Variants in XKR4 observed in about 807,000 individuals in gnomAD.
XKR4 encodes XK related 4.
A neutral mutation model predicts 53.9 loss-of-function variants in XKR4; 12 were observed. The observed-to-expected ratio is 0.22, with a 90% CI of 0.14 to 0.36. The LOEUF is 0.36. Among genes scored for constraint, XKR4 ranks in the 10% least tolerant of loss-of-function variants. The pLI is 1.00. For synonymous variants in XKR4, 354 were observed against 362.4 expected, an observed-to-expected ratio of 0.98 and a Z score of 0.26; for missense variants, 799 against 859.5, an observed-to-expected ratio of 0.93 and a Z score of 0.88.
intron 1 of XKR4, among the ~76,000 whole-genome samples, chr8:55,351,372 C>G (rs1803720445): frequency 6.6e-6 from 1 of 152,082 alleles, no homozygotes; most frequent in African/African-American, 2.4e-5. Context: ...AACCTGTCAC[C>G]AGGATCAGAT....
intron 2 of XKR4, among the ~76,000 whole-genome samples, chr8:55,443,410 C>T (rs1170109883): frequency 6.7e-6 from 1 of 148,646 alleles, no homozygotes; most frequent in Non-Finnish European, 1.5e-5. Context: ...TTTTTTAATT[C>T]CACAGCAAAG....
intron 2 of XKR4, among the ~76,000 whole-genome samples, chr8:55,499,645 G>A (rs1806406587): frequency 1.3e-5 from 2 of 152,190 alleles, no homozygotes; most frequent in Admixed American, 1.3e-4. Flanking sequence ...CCACTGAACT[G>A]AGACTTGCAA....
intron 1 of XKR4, among the ~76,000 whole-genome samples, chr8:55,179,907 G>T (rs1348237752): frequency 1.3e-5 from 2 of 152,084 alleles, no homozygotes; most frequent in East Asian, 3.9e-4. Flanking sequence ...TTCAATGAAA[G>T]CTGGAAAATT....
chr8:55,247,861 T>TCTTTCTTTCTTTCTTTCTTTCTTTCTTTC (rs1554572242), intron 1 of XKR4, among the ~76,000 whole-genome samples: 1 of 107,958 alleles, frequency 9.3e-6, no homozygotes, highest in Non-Finnish European at 2.1e-5. Context: ...CTTTCTTTTT[T>TCTTTCTTTCTTTCTTTCTTTCTTTCTTTC]TTTTTTTTTT....
chr8:55,365,334 G>A (rs1344403964), intron 2 of XKR4, among the ~76,000 whole-genome samples: 1 of 152,348 alleles, frequency 6.6e-6, no homozygotes, highest in East Asian at 1.9e-4. Context: ...ATCATTAGCT[G>A]CTGGATTTTG....
intron 2 of XKR4, chr8:55,451,986 T>C: frequency 3.9e-6 from 3 of 774,814 alleles, no homozygotes; most frequent in Admixed American, 1.7e-5. Flanking sequence ...GCGAGTGACA[T>C]GCTGCCGCCC....
intron 1 of XKR4, among the ~76,000 whole-genome samples, chr8:55,216,813 A>T (rs1005365351): frequency 6.6e-6 from 1 of 151,906 alleles, no homozygotes; most frequent in African/African-American, 2.4e-5. Flanking sequence ...AAAAAAAAAA[A>T]CTATAAAGAT....
intron 1 of XKR4, among the ~76,000 whole-genome samples, chr8:55,245,986 C>T (rs983449824): frequency 6.6e-6 from 1 of 152,158 alleles, no homozygotes; most frequent in African/African-American, 2.4e-5. Context: ...CCTGTAATCC[C>T]AGCTATTCAG....
At chr8:55,239,203 AAC>A (rs1388906263) in intron 1 of XKR4, among the ~76,000 whole-genome samples, 4 of 152,214 alleles carry the variant, frequency 2.6e-5, no homozygotes, top group Non-Finnish European at 4.4e-5. Flanking sequence ...GAACCTGGAA[AAC>A]ACTATTAGCT....
intron 2 of XKR4, among the ~76,000 whole-genome samples, chr8:55,490,813 T>C (rs570021030): frequency 3.3e-5 from 5 of 150,754 alleles, no homozygotes; most frequent in East Asian, 3.9e-4. Context: ...TGTGTGTGTG[T>C]GCGCACGCGC....
Position 55,285,840 on chromosome 8 carries a change from C to T in XKR4, c.807-71838C>T, listed in dbSNP as rs1156447464. On this transcript the variant is annotated intron_variant, in intron 1 of 2. Coordinates refer to ENST00000327381, the MANE Select transcript of XKR4 (RefSeq NM_052898.2). ...TGAACGTGTTTATCAACCCCTATAC[C>T]CCTCCCCCAAAACAGCCATCCTTGA... Among the ~76,000 whole-genome samples, 5 of 152,224 alleles carry T rather than the reference C, an allele frequency of 3.3e-5. No individual in the cohort carries two copies. In the East Asian group the frequency reaches 5.8e-4, roughly 18 times the overall value.
intron 1 of XKR4, among the ~76,000 whole-genome samples, chr8:55,317,812 T>C (rs1803116143): frequency 1.3e-5 from 2 of 152,200 alleles, no homozygotes; most frequent in Non-Finnish European, 2.9e-5. Context: ...ATGATTGGCA[T>C]AGGGGTCCTC....
intron 2 of XKR4, among the ~76,000 whole-genome samples, chr8:55,437,878 C>G (rs887620094): frequency 1.3e-5 from 2 of 151,448 alleles, no homozygotes; most frequent in Middle Eastern, 3.2e-3. Context: ...TTTAAAGAAA[C>G]TAGGGAATTG....
chr8:55,465,637 G>A (rs1205230192), intron 2 of XKR4, among the ~76,000 whole-genome samples: 2 of 151,662 alleles, frequency 1.3e-5, no homozygotes, highest in Non-Finnish European at 2.9e-5. Context: ...TTGACAAATG[G>A]GATCTAATTA....
intron 2 of XKR4, among the ~76,000 whole-genome samples, chr8:55,498,059 G>T (rs899382700): frequency 6.6e-6 from 1 of 152,148 alleles, no homozygotes. Flanking sequence ...GCAGGGCTCC[G>T]CTTGGGGTTT....
At chr8:55,462,486 G>C (rs1319486804) in intron 2 of XKR4, among the ~76,000 whole-genome samples, 2 of 152,158 alleles carry the variant, frequency 1.3e-5, no homozygotes, top group African/African-American at 4.8e-5. Flanking sequence ...ATTAAACATG[G>C]AAAGGAACAA....
intron 1 of XKR4, among the ~76,000 whole-genome samples, chr8:55,125,136 A>T (rs931304123): frequency 2.6e-5 from 4 of 152,208 alleles, no homozygotes; most frequent in Non-Finnish European, 4.4e-5. Flanking sequence ...ACCTATTTTT[A>T]AAAAATCCAT....
chr8:55,283,570 A>G (rs1818868697), intron 1 of XKR4, among the ~76,000 whole-genome samples: 1 of 152,254 alleles, frequency 6.6e-6, no homozygotes, highest in Admixed American at 6.5e-5. Flanking sequence ...GAGCACTCGA[A>G]TAGAAACCAC....
At chr8:55,455,561 A>C (rs1044813725) in intron 2 of XKR4, among the ~76,000 whole-genome samples, 4 of 152,254 alleles carry the variant, frequency 2.6e-5, no homozygotes, top group African/African-American at 9.6e-5. Context: ...AGGAAACAAA[A>C]AAAGAAAGAA....
Sources: allele counts gnomAD v4.1 joint callset (sites outside exome capture counted in the v4.1 genomes callset), GRCh38; gene constraint gnomAD v4.1.1; transcripts MANE v1.5; gene names NCBI Gene and HGNC (gene_info 2026-07-23, HGNC 2026-07-21).